ANTXR2: variants seen among roughly 807,000 people sequenced by gnomAD.
ANTXR2 encodes the protein ANTXR cell adhesion molecule 2, also known as anthrax toxin receptor 2.
A neutral mutation model predicts 73.7 loss-of-function variants in ANTXR2; 44 were observed. That is an observed-to-expected ratio of 0.60 (90% CI 0.47 to 0.77). ANTXR2 has a LOEUF of 0.77. Ranked by LOEUF, ANTXR2 falls within the 30% of genes least tolerant of loss-of-function variation. The pLI is 0.00. For synonymous variants in ANTXR2, 217 were observed against 205.9 expected (o/e 1.05, Z -0.46); for missense variants, 604 against 592.5 (o/e 1.02, Z -0.20).
chr4:80,045,377 A>C (rs1047723765), intron 7 of ANTXR2, among the ~76,000 whole-genome samples: 2 of 151,744 alleles, frequency 1.3e-5, no homozygotes, highest in Non-Finnish European at 2.9e-5. Flanking sequence ...AATTTTTACA[A>C]ATCTATTAAA....
chr4:80,066,872 T>C (rs1734521804), intron 3 of ANTXR2, among the ~76,000 whole-genome samples: 1 of 152,234 alleles, frequency 6.6e-6, no homozygotes, highest in African/African-American at 2.4e-5. Flanking sequence ...CTAGTGACTC[T>C]TAGCTGCAAC....
intron 16 of ANTXR2, 75 bp from the exon 17 acceptor site, chr4:79,907,542 T>C: frequency 3.5e-6 from 5 of 1,444,610 alleles, no homozygotes; most frequent in Admixed American, 1.7e-5. Flanking sequence ...CTAGTTTTCC[T>C]ACCATGATAA....
chr4:80,053,662 C>T (rs1733862022), intron 7 of ANTXR2, among the ~76,000 whole-genome samples: 1 of 151,530 alleles, frequency 6.6e-6, no homozygotes, highest in African/African-American at 2.4e-5. Flanking sequence ...AAACATAAAC[C>T]TCAGCTATGA....
chr4:79,973,435 T>C (rs561454624), intron 16 of ANTXR2, among the ~76,000 whole-genome samples: 27 of 151,862 alleles, frequency 1.8e-4, no homozygotes, highest in East Asian at 3.9e-4. Context: ...TTTTTTTTTT[T>C]CCCTCTGTTG....
At chr4:79,944,861 C>T (rs914476409) in intron 16 of ANTXR2, among the ~76,000 whole-genome samples, 3 of 152,024 alleles carry the variant, frequency 2.0e-5, no homozygotes, top group South Asian at 4.1e-4. Context: ...GTGACGCCTG[C>T]GAACAGGAAG....
At chr4:79,997,297 A>G (rs766442014) in intron 12 of ANTXR2, among the ~76,000 whole-genome samples, 2 of 151,804 alleles carry the variant, frequency 1.3e-5, no homozygotes, top group South Asian at 4.1e-4. Context: ...ACTGTAGACT[A>G]AGTAGTATTT....
intron 16 of ANTXR2, among the ~76,000 whole-genome samples, chr4:79,946,643 T>C (rs570652214): frequency 6.6e-6 from 1 of 152,144 alleles, no homozygotes; most frequent in Non-Finnish European, 1.5e-5. Flanking sequence ...AGTGTCTCCA[T>C]CCTGCAGGGG....
rs188475901 is a variant in ANTXR2, at chr4:79,934,158, C to T, written c.1429-26691G>A. On this transcript the variant is annotated intron_variant, in intron 16 of 16. Coordinates refer to ENST00000403729, the MANE Select transcript of ANTXR2 (RefSeq NM_058172.6). ...AAGCAATAAAATAGAGTTTCTGTGA[C>T]AAGAGTATCAGTAAATGACCATCAA... Among the ~76,000 whole-genome samples the T allele has an allele frequency of 2.1e-3, 320 of 152,232 alleles. 1 individual carries two copies. The highest frequency in any genetic ancestry group is 2.9e-3 in the Non-Finnish European group (196 of 68,010).
At chr4:79,959,147 A>G (rs1200934550) in intron 16 of ANTXR2, among the ~76,000 whole-genome samples, 1 of 152,096 alleles carries the variant, frequency 6.6e-6, no homozygotes, top group Non-Finnish European at 1.5e-5. Context: ...TGATTGTGTT[A>G]TGTTTTTATA....
At chr4:79,926,379 A>C (rs1238696730) in intron 16 of ANTXR2, among the ~76,000 whole-genome samples, 2 of 152,084 alleles carry the variant, frequency 1.3e-5, no homozygotes, top group African/African-American at 2.4e-5. Flanking sequence ...CTCTAATCCT[A>C]CCATTTCACA....
chr4:79,908,905 CA>C (rs1361608662), intron 16 of ANTXR2, among the ~76,000 whole-genome samples: 1 of 152,030 alleles, frequency 6.6e-6, no homozygotes, highest in Non-Finnish European at 1.5e-5. Context: ...GTTGCCAAAA[CA>C]CAATAAAACA....
chr4:79,913,908 G>C (rs1273382555), intron 16 of ANTXR2, among the ~76,000 whole-genome samples: 1 of 152,150 alleles, frequency 6.6e-6, no homozygotes, highest in Non-Finnish European at 1.5e-5. Context: ...GATTTTGTCT[G>C]TGCTAAAAAT....
chr4:80,026,780 C>T (rs908741263), intron 10 of ANTXR2, among the ~76,000 whole-genome samples: 3 of 152,280 alleles, frequency 2.0e-5, no homozygotes, highest in Admixed American at 1.3e-4. Context: ...TAATGCATCA[C>T]ATCTGAATAG....
At chr4:80,014,569 A>AAT (rs899401479) in intron 11 of ANTXR2, among the ~76,000 whole-genome samples, 2 of 151,640 alleles carry the variant, frequency 1.3e-5, no homozygotes, top group African/African-American at 4.8e-5. Flanking sequence ...AGTCTCAAAA[A>AAT]ATATATATAT....
intron 14 of ANTXR2, among the ~76,000 whole-genome samples, chr4:79,980,578 T>C (rs1317174774): frequency 6.6e-6 from 1 of 152,130 alleles, no homozygotes; most frequent in African/African-American, 2.4e-5. Context: ...CAGAGCATAT[T>C]TGGATGACTA....
At chr4:80,048,864 A>G (rs1362089730) in intron 7 of ANTXR2, among the ~76,000 whole-genome samples, 1 of 151,750 alleles carries the variant, frequency 6.6e-6, no homozygotes, top group Non-Finnish European at 1.5e-5. Context: ...CTCCAGCACT[A>G]TGAATGTAGG....
At chr4:79,943,658 C>T (rs1309648333) in intron 16 of ANTXR2, among the ~76,000 whole-genome samples, 12 of 132,316 alleles carry the variant, frequency 9.1e-5, no homozygotes, top group South Asian at 5.4e-4. Flanking sequence ...GTGGGTGCAG[C>T]GCACCAGCAT....
chr4:80,055,529 C>T, intron 4 of ANTXR2, 62 bp from the exon 5 acceptor site: 1 of 1,352,160 alleles, frequency 7.4e-7, no homozygotes, highest in South Asian at 1.3e-5. Flanking sequence ...CAGCATGTTC[C>T]ATCAAGCTGA....
At chr4:79,997,360 C>A (rs1219498432) in intron 12 of ANTXR2, among the ~76,000 whole-genome samples, 3 of 151,854 alleles carry the variant, frequency 2.0e-5, no homozygotes, top group African/African-American at 7.3e-5. Flanking sequence ...TCGGCAATGT[C>A]ATCTAGGTGC....
Sources: gnomAD v4.1 joint callset for allele counts (sites outside exome capture counted in the v4.1 genomes callset) on GRCh38, gnomAD v4.1.1 for gene constraint, MANE v1.5 for transcripts, NCBI Gene and HGNC (gene_info 2026-07-23, HGNC 2026-07-21) for gene names.